Variants in KDM1B observed in about 807,000 individuals in gnomAD.
KDM1B encodes lysine-specific histone demethylase 2.
Under a neutral mutation model 107.4 loss-of-function variants are expected in KDM1B, and 63 were observed. The observed-to-expected ratio is 0.59, with a 90% CI of 0.48 to 0.72. The LOEUF is 0.72. Ranked by LOEUF, KDM1B falls within the 30% of genes least tolerant of loss-of-function variation. The probability of loss-of-function intolerance (pLI) is 0.00; values close to 1 mark genes in which losing one functional copy is unlikely to be tolerated. For missense variants in KDM1B, 749 were observed against 1,020.8 expected (o/e 0.73, Z 3.63); for synonymous variants, 363 against 363.9 (o/e 1.00, Z 0.03).
chr6:18,219,725 G>T (rs1789532135), intron 21 of KDM1B, among the ~76,000 whole-genome samples: 1 of 152,176 alleles, frequency 6.6e-6, no homozygotes, highest in African/African-American at 2.4e-5. Context: ...TTCGAGCAAG[G>T]CATTTTTTTA....
intron 20 of KDM1B, among the ~76,000 whole-genome samples, chr6:18,217,294 G>A (rs1761490413): frequency 2.0e-5 from 3 of 151,926 alleles, no homozygotes; most frequent in Admixed American, 2.0e-4. Context: ...GAGAACTACT[G>A]TTTCAGAATG....
intron 7 of KDM1B, among the ~76,000 whole-genome samples, chr6:18,177,274 G>A (rs569107672): frequency 1.3e-5 from 2 of 152,106 alleles, no homozygotes; most frequent in African/African-American, 2.4e-5. Context: ...TAGTAGCCTC[G>A]AATGATCTTT....
chr6:18,162,119 C>T lies in KDM1B; in HGVS notation c.215+665C>T, dbSNP rs2150767430. ...GCGGATCAGTTGAGGTCAGGAGTTC[C>T]AGACCAGCCTGGCCAACATGGTGAA... On this transcript the variant is annotated intron_variant, in intron 4 of 21. Transcript: ENST00000650836. The surrounding 1 kb of genome is among the most constrained non-coding windows in gnomAD (Gnocchi z 4.1). 6.6e-6 allele frequency among the ~76,000 whole-genome samples: 1 copy of T among 152,056 alleles called. No homozygotes were observed. The highest frequency in any genetic ancestry group is 2.4e-5 in the African/African-American group (1 of 41,472).
At position 18,197,925 on chromosome 6, in the gene KDM1B, CTTTT is replaced by C. The variant is rs1039217550; in HGVS notation, c.1221+279_1221+282del. Among the ~76,000 whole-genome samples the C allele has an allele frequency of 3.1e-5, 4 of 130,014 alleles. No homozygotes were observed. The highest frequency in any genetic ancestry group is 7.9e-5 in the Admixed American group (1 of 12,690). The allele number at this position is 130,014 out of a possible 152,430, so 85.3% of individuals were successfully genotyped here. On this transcript the variant is annotated intron_variant, in intron 12 of 21. Coordinates refer to ENST00000650836, the MANE Select transcript of KDM1B (RefSeq NM_001364614.2). The surrounding 1 kb of genome is among the most constrained non-coding windows in gnomAD (Gnocchi z 4.5). The stretch of plus-strand genomic sequence containing the variant: ...CTAACTTGGCATTAAAGTAGAAATT[CTTTT>C]TTTTTTTTTTTTTTGAGACAGAGTC...
At chr6:18,156,271 C>T (rs1277607420) in intron 2 of KDM1B, among the ~76,000 whole-genome samples, 1 of 152,130 alleles carries the variant, frequency 6.6e-6, no homozygotes, top group African/African-American at 2.4e-5. Context: ...TAGTCAACGG[C>T]CGGGCAGCTG....
At chr6:18,163,271 G>T (rs1336817315) in intron 5 of KDM1B, among the ~76,000 whole-genome samples, 3 of 151,952 alleles carry the variant, frequency 2.0e-5, no homozygotes, top group African/African-American at 7.3e-5. Context: ...TGTTGTCCAG[G>T]CTGGTCTCAA....
Position 18,162,696 on chromosome 6 carries a change from C to T in KDM1B, c.216-139C>T. The T allele has an allele frequency of 1.6e-6, 1 of 607,492 alleles. No individual in the cohort carries two copies. The highest frequency in any genetic ancestry group is 2.9e-5 in the East Asian group (1 of 34,920). The allele number at this position is 607,492 out of a possible 1,614,324, so 37.6% of individuals were successfully genotyped here. On this transcript the variant is annotated intron_variant, in intron 4 of 21. Coordinates refer to ENST00000650836, the MANE Select transcript of KDM1B (RefSeq NM_001364614.2). This position sits in a 1 kb window ranked among gnomAD's most constrained non-coding sequence, Gnocchi z 4.1. ...GTTATTATCTACTAGTAATCCATTC[C>T]TGTTTCCCCTGTCCTTAAGGGGCTA...
chr6:18,169,632 T>G (rs529658491), intron 6 of KDM1B, among the ~76,000 whole-genome samples: 1 of 152,248 alleles, frequency 6.6e-6, no homozygotes, highest in Middle Eastern at 3.4e-3. Context: ...TGCCCAAAGG[T>G]TTTTAATTTT....
rs544944148 is a variant in KDM1B, at chr6:18,184,443, T to C, written c.535-1329T>C. 1.5e-4 allele frequency among the ~76,000 whole-genome samples: 23 copies of C among 151,782 alleles called. No homozygotes were observed. In the South Asian group the frequency reaches 4.6e-3, roughly 30 times the overall value. ...GTGCGCACCACCATGCCCGGCTAATTTTTGTATTTTTAGTAGAGACGAGGT... is the reference window on the plus strand; with the variant it reads ...GTGCGCACCACCATGCCCGGCTAATCTTTGTATTTTTAGTAGAGACGAGGT... On this transcript the variant is annotated intron_variant, in intron 7 of 21. Transcript: ENST00000650836.
chr6:18,214,940 A>C lies in KDM1B; in HGVS notation c.2110-67A>C, dbSNP rs536574683. On this transcript the variant is annotated intron_variant, in intron 19 of 21. Transcript: ENST00000650836. The surrounding 1 kb of genome is among the most constrained non-coding windows in gnomAD (Gnocchi z 4.4). Reference sequence around the variant, plus strand: ...AAACAAAACAAAACAAAAAACAAAAAAAAGAGGCCCTTATCTGTGGGAGCT... The same window carrying C: ...AAACAAAACAAAACAAAAAACAAAACAAAGAGGCCCTTATCTGTGGGAGCT... 2.4e-5 allele frequency: 36 copies of C among 1,526,816 alleles called. No homozygotes were observed. The African/African-American group carries it at 3.7e-4, about 16-fold the overall frequency. 94.6% of individuals were successfully genotyped at this position (1,526,816 alleles called of 1,614,324 possible). A position where few individuals can be genotyped will look rare whatever the true frequency, so the allele number is the denominator to read the frequency against.
chr6:18,214,974 A>C lies in KDM1B; in HGVS notation c.2110-33A>C, dbSNP rs1789109470. The C allele has an allele frequency of 6.2e-7, 1 of 1,611,084 alleles. No individual in the cohort carries two copies. Among genetic ancestry groups the C allele is most frequent in the South Asian group, 1.1e-5 (1 of 90,842 alleles). On this transcript the variant is annotated intron_variant, in intron 19 of 21. Transcript: ENST00000650836. This position sits in a 1 kb window ranked among gnomAD's most constrained non-coding sequence, Gnocchi z 4.4. The stretch of plus-strand genomic sequence containing the variant: ...CCTTATCTGTGGGAGCTGAGCACTC[A>C]CAGACCTCCTGCTTTTCCTTTCATG...
intron 15 of KDM1B, among the ~76,000 whole-genome samples, chr6:18,206,728 T>A (rs1161639146): frequency 2.6e-5 from 4 of 152,084 alleles, no homozygotes; most frequent in Non-Finnish European, 5.9e-5. Context: ...CCAGGACTTG[T>A]CTCTTTACCG....
Position 18,214,904 on chromosome 6 carries a change from T to C in KDM1B, c.2110-103T>C. The C allele has an allele frequency of 8.2e-7, 1 of 1,215,940 alleles. No individual in the cohort carries two copies. The highest frequency in any genetic ancestry group is 1.1e-6 in the Non-Finnish European group (1 of 880,388). 75.3% of individuals were successfully genotyped at this position (1,215,940 alleles called of 1,614,324 possible). ...CAGCCTGGGTGACAGAGCAAAACTC[T>C]GTCTCATTTAAAACAAAACAAAACA... On this transcript the variant is annotated intron_variant, in intron 19 of 21. Transcript: ENST00000650836. This position sits in a 1 kb window ranked among gnomAD's most constrained non-coding sequence, Gnocchi z 4.4.
intron 10 of KDM1B, among the ~76,000 whole-genome samples, chr6:18,196,659 A>G (rs571200495): frequency 2.0e-5 from 3 of 152,324 alleles, no homozygotes; most frequent in African/African-American, 7.2e-5. Flanking sequence ...GGATGGTGGC[A>G]TCTCTACTAA....
At chr6:18,174,628 C>T (rs1306728262) in intron 7 of KDM1B, among the ~76,000 whole-genome samples, 1 of 151,332 alleles carries the variant, frequency 6.6e-6, no homozygotes, top group African/African-American at 2.4e-5. Flanking sequence ...CTTTTCCCCC[C>T]AAGTCCCCAA....
At chr6:18,156,242 GC>G (rs1784600021) in intron 2 of KDM1B, among the ~76,000 whole-genome samples, 1 of 152,192 alleles carries the variant, frequency 6.6e-6, no homozygotes, top group Non-Finnish European at 1.5e-5. Flanking sequence ...AGGAGGGGTG[GC>G]CCGATTAGGG....
At position 18,203,852 on chromosome 6, in the gene KDM1B, C is replaced by CA. The variant is rs11323463; in HGVS notation, c.1532-1667dup. Among the ~76,000 whole-genome samples, 585 of 131,674 alleles carry CA rather than the reference C, an allele frequency of 4.4e-3. 6 individuals are homozygous for CA. The highest frequency in any genetic ancestry group is 0.013 in the African/African-American group (448 of 34,878). 86.4% of individuals were successfully genotyped at this position (131,674 alleles called of 152,430 possible). On this transcript the variant is annotated intron_variant, in intron 14 of 21. Coordinates refer to ENST00000650836, the MANE Select transcript of KDM1B (RefSeq NM_001364614.2). This position sits in a 1 kb window ranked among gnomAD's most constrained non-coding sequence, Gnocchi z 5.5. ...TTGATGACAAGCGAAACTCCGTCTC[C>CA]AAAAAAAAAAAAAAAAAATCACATT...
Position 18,191,333 on chromosome 6 carries a change from C to T in KDM1B, c.921C>T (p.Tyr307=). The T allele has an allele frequency of 1.9e-6, 3 of 1,551,064 alleles. No homozygotes were observed. The South Asian group carries it at 3.6e-5, about 18-fold the overall frequency. The change falls in exon 10 of 22, where the codon TAC becomes TAT. Residue 307 remains tyrosine (Y), a synonymous_variant. Coordinates refer to ENST00000650836, the MANE Select transcript of KDM1B (RefSeq NM_001364614.2). The surrounding 1 kb of genome is among the most constrained non-coding windows in gnomAD (Gnocchi z 5.1). ...AGTATTCCCGAGACCCCACCATGTA[C>T]CTGGCTTTGAGAAACCTCATCCTCG... The part of the protein sequence containing the change: ...FPEYSRDPTM[Y]LALRNLILAL...
intron 2 of KDM1B, among the ~76,000 whole-genome samples, chr6:18,156,868 G>A (rs917197466): frequency 7.2e-5 from 11 of 151,982 alleles, no homozygotes; most frequent in Admixed American, 2.0e-4. Context: ...AGTGAGCCGA[G>A]ATCGCACCAC....
Sources: allele counts gnomAD v4.1 joint callset (sites outside exome capture counted in the v4.1 genomes callset), GRCh38; gene constraint gnomAD v4.1.1; non-coding constraint Gnocchi (gnomAD v3.1); transcripts MANE v1.5; gene names NCBI Gene and HGNC (gene_info 2026-07-23, HGNC 2026-07-21).